CHD2: variants seen among roughly 807,000 people sequenced by gnomAD.
CHD2 encodes ATP-dependent chromatin remodeler CHD2.
CHD2 carries 28 observed loss-of-function variants against 243.9 expected under a neutral mutation model. That is an observed-to-expected ratio of 0.11 (90% CI 0.09 to 0.16). The LOEUF is 0.16. CHD2 is among the 10% of genes least tolerant of loss of function. The pLI is 1.00. For missense variants in CHD2, 1,386 were observed against 2,209.8 expected (o/e 0.63, Z 7.47); for synonymous variants, 775 against 779.0 (o/e 0.99, Z 0.09).
intron 7 of CHD2, among the ~76,000 whole-genome samples, chr15:92,940,420 C>G (rs1252491822): frequency 2.6e-5 from 4 of 151,530 alleles, no homozygotes; most frequent in Non-Finnish European, 5.9e-5. Flanking sequence ...GCACTCCACT[C>G]CAGGCAAAAA....
chr15:92,967,781 G>A (rs977053476), intron 17 of CHD2, among the ~76,000 whole-genome samples: 2 of 151,592 alleles, frequency 1.3e-5, no homozygotes, highest in Non-Finnish European at 1.5e-5. Flanking sequence ...CGCCCACCTC[G>A]GCCTCCCAAC....
chr15:92,906,734 C>T (rs2052629945), intron 2 of CHD2, among the ~76,000 whole-genome samples: 3 of 144,184 alleles, frequency 2.1e-5, no homozygotes, highest in Admixed American at 1.4e-4. Context: ...AACTTTGCTT[C>T]CTTGAAGAAC....
Position 93,024,359 on chromosome 15 carries a change from A to T in CHD2, c.5154-13A>T. ...CTTCAGTCTTTCGACTAATCCTTGC[A>T]TCTCTATTTCAGGCACCATCATGAC... On this transcript the variant is annotated splice_polypyrimidine_tract_variant and intron_variant, in intron 38 of 38. Transcript: ENST00000394196. 1 of 1,606,626 alleles carries T rather than the reference A, an allele frequency of 6.2e-7. No homozygotes were observed. The highest frequency in any genetic ancestry group is 1.1e-5 in the South Asian group (1 of 90,386).
Position 93,004,660 on chromosome 15 carries a change from C to A in CHD2, c.4322C>A (p.Ser1441Tyr). 6.2e-7 allele frequency: 1 copy of A among 1,613,270 alleles called. No homozygotes were observed. Among genetic ancestry groups the A allele is most frequent in the Non-Finnish European group, 8.5e-7 (1 of 1,179,494 alleles). The change falls in exon 34 of 39, where the codon TCT becomes TAT. Residue 1441 changes from serine (S) to tyrosine (Y), a missense_variant. By Grantham distance (144) the Ser-to-Tyr change is moderately radical (BLOSUM62 -2). This residue lies in a region of CHD2 where 125 missense variants were observed against 128.9 expected (regional missense o/e 0.97). Coordinates refer to ENST00000394196, the MANE Select transcript of CHD2 (RefSeq NM_001271.4). The part of the protein sequence containing the change: ...DAKSSSKSKR[S>Y]QGPVHITAGS... ...AAATCTTCGAGTAAATCAAAGCGAT[C>A]TCAGGGTCCTGTCCATATTACAGCA... is the stretch of plus-strand genomic sequence containing the variant.
At chr15:92,931,961 C>G (rs1209552923) in intron 5 of CHD2, among the ~76,000 whole-genome samples, 1 of 150,850 alleles carries the variant, frequency 6.6e-6, no homozygotes, top group African/African-American at 2.4e-5. Context: ...CTCCGGGGTT[C>G]AAGCAATTCT....
intron 33 of CHD2, 40 bp from the exon 34 acceptor site, chr15:93,004,577 G>A: frequency 5.1e-6 from 8 of 1,579,436 alleles, no homozygotes; most frequent in Non-Finnish European, 6.0e-6. Flanking sequence ...CGGTAGGATT[G>A]CACAAATGAC....
At chr15:92,905,732 A>G (rs2052609177) in intron 2 of CHD2, among the ~76,000 whole-genome samples, 1 of 152,350 alleles carries the variant, frequency 6.6e-6, no homozygotes, top group South Asian at 2.1e-4. Context: ...TGTTACAGAG[A>G]AGTGTTCATC....
chr15:92,968,870 T>A (rs540102345), intron 17 of CHD2, among the ~76,000 whole-genome samples: 8 of 152,358 alleles, frequency 5.3e-5, no homozygotes, highest in Non-Finnish European at 1.2e-4. Context: ...TCATTCAAGT[T>A]GGTTGTTGTA....
chr15:93,016,009 A>G (rs1387910125), intron 37 of CHD2, among the ~76,000 whole-genome samples: 2 of 152,238 alleles, frequency 1.3e-5, no homozygotes, highest in Non-Finnish European at 2.9e-5. Context: ...TACCAGGTAT[A>G]TATTCAACGA....
intron 5 of CHD2, 44 bp from the exon 6 acceptor site, chr15:92,937,474 G>C: frequency 7.1e-7 from 1 of 1,405,960 alleles, no homozygotes; most frequent in Non-Finnish European, 9.7e-7. Flanking sequence ...TATCTTGAAG[G>C]ATTCTTTTAG....
chr15:93,006,028 T>A (rs1376939019), intron 34 of CHD2, among the ~76,000 whole-genome samples: 1 of 152,088 alleles, frequency 6.6e-6, no homozygotes, highest in African/African-American at 2.4e-5. Flanking sequence ...TACCATGAAG[T>A]TTTGTCAAAT....
At chr15:92,927,425 C>G in intron 4 of CHD2, 95 bp downstream of exon 4, 1 of 876,416 alleles carries the variant, frequency 1.1e-6, no homozygotes, top group South Asian at 1.5e-5. Context: ...AAAGACTGAA[C>G]TTCAGGCATG....
intron 2 of CHD2, among the ~76,000 whole-genome samples, chr15:92,906,476 CA>C (rs1176074684): frequency 6.6e-6 from 1 of 152,094 alleles, no homozygotes; most frequent in Non-Finnish European, 1.5e-5. Flanking sequence ...CAGATTTTAT[CA>C]TTAGTTTACT....
chr15:92,976,907 A>G (rs1023610353), intron 20 of CHD2, among the ~76,000 whole-genome samples: 1 of 151,906 alleles, frequency 6.6e-6, no homozygotes, highest in Non-Finnish European at 1.5e-5. Context: ...TCAAAAAAAA[A>G]AAAAAATTTT....
intron 38 of CHD2, chr15:93,020,569 A>T: frequency 1.8e-6 from 1 of 547,526 alleles, no homozygotes; most frequent in South Asian, 2.4e-5. Context: ...GCTGTCAGCC[A>T]CACTAGGTAT....
intron 26 of CHD2, among the ~76,000 whole-genome samples, chr15:92,986,524 C>T (rs566259911): frequency 3.4e-4 from 52 of 152,086 alleles, no homozygotes; most frequent in African/African-American, 1.2e-3. Flanking sequence ...TAACACATCC[C>T]CTCTTGTGCT....
chr15:92,955,654 C>T (rs1719515165), intron 15 of CHD2, 142 bp downstream of exon 15: 2 of 472,406 alleles, frequency 4.2e-6, no homozygotes, highest in Non-Finnish European at 7.3e-6. Flanking sequence ...GTCTGTACCT[C>T]CTACTTGCCA....
intron 27 of CHD2, among the ~76,000 whole-genome samples, chr15:92,992,459 C>T (rs955928709): frequency 2.0e-5 from 3 of 152,194 alleles, no homozygotes; most frequent in African/African-American, 7.2e-5. Context: ...TACTCTGCTT[C>T]TAGGAGCATT....
At chr15:93,015,311 C>G (rs1348872477) in intron 37 of CHD2, among the ~76,000 whole-genome samples, 1 of 152,140 alleles carries the variant, frequency 6.6e-6, no homozygotes, top group African/African-American at 2.4e-5. Context: ...ACTCCCGGCG[C>G]CATGTGATCT....
Sources: gnomAD v4.1 joint callset for allele counts (sites outside exome capture counted in the v4.1 genomes callset) on GRCh38, gnomAD v4.1.1 for gene constraint, gnomAD v4.1.1 regional missense constraint, MANE v1.5 for transcripts, NCBI Gene and HGNC (gene_info 2026-07-23, HGNC 2026-07-21) for gene names.